Variants in NEK1 observed in about 807,000 individuals in gnomAD.
The protein encoded by NEK1 is NIMA related kinase 1.
A neutral mutation model predicts 182.1 loss-of-function variants in NEK1; 137 were observed. The observed-to-expected ratio is 0.75, with a 90% CI of 0.65 to 0.87. The LOEUF (loss-of-function observed/expected upper bound fraction) is 0.87. Among genes scored for constraint, NEK1 ranks in the 40% least tolerant of loss-of-function variants. NEK1 has a pLI of 0.00. For missense variants in NEK1, 1,391 were observed against 1,494.4 expected (o/e 0.93, Z 1.14); for synonymous variants, 513 against 492.2 (o/e 1.04, Z -0.56).
intron 19 of NEK1, among the ~76,000 whole-genome samples, chr4:169,522,586 G>A (rs1172252891): frequency 6.6e-6 from 1 of 152,230 alleles, no homozygotes; most frequent in Non-Finnish European, 1.5e-5. Context: ...CTTCTGGTCT[G>A]ATTCATTCTT....
intron 27 of NEK1, among the ~76,000 whole-genome samples, chr4:169,455,380 C>T (rs1253191601): frequency 2.0e-5 from 3 of 149,620 alleles, no homozygotes; most frequent in Non-Finnish European, 4.4e-5. Context: ...ACAGACTTCA[C>T]CTATAAAGAC....
At chr4:169,610,016 CT>C (rs538596187) in intron 2 of NEK1, among the ~76,000 whole-genome samples, 647 of 135,280 alleles carry the variant, frequency 4.8e-3, no homozygotes, top group South Asian at 0.01. Flanking sequence ...CTAAGAATTT[CT>C]TTTTTTTTTT....
At chr4:169,442,292 A>G (rs1227104525) in intron 27 of NEK1, among the ~76,000 whole-genome samples, 1 of 152,140 alleles carries the variant, frequency 6.6e-6, no homozygotes, top group East Asian at 1.9e-4. Context: ...CTCCACTAAC[A>G]ATCATAACCT....
chr4:169,513,767 T>C (rs1754590509), intron 19 of NEK1, among the ~76,000 whole-genome samples: 1 of 152,172 alleles, frequency 6.6e-6, no homozygotes, highest in Admixed American at 6.5e-5. Flanking sequence ...TTATTATTTT[T>C]TTAAATCATG....
chr4:169,497,007 G>A (rs1001045433), intron 23 of NEK1, among the ~76,000 whole-genome samples: 42 of 152,292 alleles, frequency 2.8e-4, no homozygotes, highest in Non-Finnish European at 5.3e-4. Context: ...ACCTCTGGTA[G>A]AATTCGGCTG....
At chr4:169,503,521 C>A (rs1752752220) in intron 23 of NEK1, among the ~76,000 whole-genome samples, 1 of 151,998 alleles carries the variant, frequency 6.6e-6, no homozygotes, top group African/African-American at 2.4e-5. Context: ...TAAAAACAGG[C>A]ACATAGAACA....
At chr4:169,574,997 T>G (rs182752723) in intron 12 of NEK1, among the ~76,000 whole-genome samples, 1 of 152,292 alleles carries the variant, frequency 6.6e-6, no homozygotes, top group East Asian at 1.9e-4. Context: ...GCGGTTTTGC[T>G]TTCAATGACA....
intron 26 of NEK1, among the ~76,000 whole-genome samples, chr4:169,473,412 T>C (rs1274826575): frequency 6.6e-6 from 1 of 152,022 alleles, no homozygotes; most frequent in Non-Finnish European, 1.5e-5. Context: ...CAATACCAAT[T>C]ACCTATTGGG....
At chr4:169,478,189 C>T (rs1747322253) in intron 24 of NEK1, among the ~76,000 whole-genome samples, 1 of 151,940 alleles carries the variant, frequency 6.6e-6, no homozygotes, top group Non-Finnish European at 1.5e-5. Flanking sequence ...ATTCAAAGAA[C>T]AATTTTCTAA....
At position 169,433,599 on chromosome 4, in the gene NEK1, G is replaced by A. The variant is rs1306518576; in HGVS notation, c.2831C>T (p.Pro944Leu). Residue 944 changes from proline (P) to leucine (L), a missense_variant, in exon 29 of 36, where the codon CCA becomes CTA. Pro to Leu is a moderately conservative substitution (Grantham distance 98). This residue lies in a region of NEK1 where 1,216 missense variants were observed against 1,277.6 expected (regional missense o/e 0.95). Transcript: ENST00000507142. ...PSGTNKDESL[P>L]CTITDVWISE... ...AATCCACACATCAGTAATAGTGCAT[G>A]GCAAGCTCTCATCTTTGTTTGTTCC... 1.9e-6 allele frequency: 3 copies of A among 1,613,154 alleles called. No homozygotes were observed. The African/African-American group carries it at 4.0e-5, about 22-fold the overall frequency.
rs938850444 is a variant in NEK1 at position 169,479,483 on chromosome 4, G to C, written c.2059C>G (p.His687Asp). The part of the protein sequence containing the change: ...SSDVSPPLGQ[H>D]ETGGSPSKQQ... ...TTTGATGGAGAGCCACCTGTTTCAT[G>C]CTGTCCCAAAGGTGGAGAAACATCA... is the stretch of plus-strand genomic sequence containing the variant. Residue 687 changes from histidine (H) to aspartate (D), a missense_variant, in exon 24 of 36, where the codon CAT becomes GAT. His to Asp is a moderately conservative substitution (Grantham distance 81). Transcript: ENST00000507142. The C allele has an allele frequency of 3.1e-6, 5 of 1,611,638 alleles. No individual in the cohort carries two copies. In the African/African-American group the frequency reaches 5.3e-5, roughly 17 times the overall value.
intron 30 of NEK1, 92 bp from the exon 31 acceptor site, chr4:169,424,892 T>C (rs915880544): frequency 3.0e-6 from 4 of 1,334,262 alleles, no homozygotes; most frequent in Non-Finnish European, 3.0e-6. Context: ...ACACAAATTC[T>C]AGCAAAAAAC....
rs1435104425 is a variant in NEK1, at chr4:169,503,965, G to A, written c.2007+3072C>T. On this transcript the variant is annotated intron_variant, in intron 23 of 35. Transcript: ENST00000507142. The stretch of plus-strand genomic sequence containing the variant: ...ACCCACAGAATGGGAGAAAATATCC[G>A]CAAACTACCCATCTGACAAGGGATT... Among the ~76,000 whole-genome samples, 9 of 152,018 alleles carry A rather than the reference G, an allele frequency of 5.9e-5. 1 individual carries two copies. The highest frequency in any genetic ancestry group is 4.2e-4 in the South Asian group (2 of 4,818).
In NEK1 at chr4:169,602,517, T is replaced by A. The variant is rs778749876; in HGVS notation, c.114A>T (p.Ser38=). The change falls in exon 3 of 36, where the codon TCA becomes TCT. Residue 38 remains serine (S), a synonymous_variant. Transcript: ENST00000507142. ...RQYVIKEINI[S]RMSSKEREES... ...ACCAAACTAAAAATATACTTACTCT[T>A]GAGATGTTAATTTCCTTGATAACAT... 6.9e-5 allele frequency: 104 copies of A among 1,501,318 alleles called. No individual in the cohort carries two copies. The Middle Eastern group carries it at 8.6e-4, about 12-fold the overall frequency. The allele number at this position is 1,501,318 out of a possible 1,614,324, so 93.0% of individuals were successfully genotyped here. A position where few individuals can be genotyped will look rare whatever the true frequency, so the allele number is the denominator to read the frequency against.
chr4:169,418,652 A>G (rs1734939571), intron 31 of NEK1, among the ~76,000 whole-genome samples: 1 of 152,194 alleles, frequency 6.6e-6, no homozygotes. Context: ...CAGAAAAAAG[A>G]TAAGTAAACA....
chr4:169,403,419 A>T (rs571055720), intron 32 of NEK1, among the ~76,000 whole-genome samples: 1 of 152,046 alleles, frequency 6.6e-6, no homozygotes, highest in South Asian at 2.1e-4. Flanking sequence ...ATTGCAAAAA[A>T]CTTAGCTAGG....
intron 18 of NEK1, among the ~76,000 whole-genome samples, chr4:169,548,687 A>C (rs1760928301): frequency 6.6e-6 from 1 of 152,218 alleles, no homozygotes; most frequent in South Asian, 2.1e-4. Context: ...GAATCTAGAA[A>C]GGCAGTCTGG....
At chr4:169,449,551 G>T (rs915819904) in intron 27 of NEK1, among the ~76,000 whole-genome samples, 6 of 152,172 alleles carry the variant, frequency 3.9e-5, no homozygotes, top group Non-Finnish European at 7.3e-5. Flanking sequence ...GTCTGGAGTG[G>T]AACTCCAGCA....
intron 27 of NEK1, among the ~76,000 whole-genome samples, chr4:169,440,201 A>G (rs1330901333): frequency 2.6e-5 from 4 of 151,878 alleles, no homozygotes; most frequent in Admixed American, 6.6e-5. Context: ...GAAATATAAA[A>G]AAGGGCAGAG....
Sources: gnomAD v4.1 joint callset for allele counts (sites outside exome capture counted in the v4.1 genomes callset) on GRCh38, gnomAD v4.1.1 for gene constraint, gnomAD v4.1.1 regional missense constraint, MANE v1.5 for transcripts, NCBI Gene and HGNC (gene_info 2026-07-23, HGNC 2026-07-21) for gene names.